The following DLGAP4 variants were observed in gnomAD, a reference collection of about 807,000 sequenced individuals.
The protein encoded by DLGAP4 is DLG associated protein 4.
DLGAP4 carries 18 observed loss-of-function variants against 86.9 expected under a neutral mutation model. That is an observed-to-expected ratio of 0.21 (90% CI 0.14 to 0.31). The LOEUF (loss-of-function observed/expected upper bound fraction) is 0.31, where lower values mean the gene tolerates loss of function less well. DLGAP4 is among the 10% of genes least tolerant of loss of function. DLGAP4 has a pLI of 1.00. For synonymous variants in DLGAP4, 548 were observed against 574.3 expected, an observed-to-expected ratio of 0.95 and a Z score of 0.65; for missense variants, 1,085 against 1,362.6, an observed-to-expected ratio of 0.80 and a Z score of 3.21.
intron 2 of DLGAP4, among the ~76,000 whole-genome samples, chr20:36,428,394 A>C (rs2033038762): frequency 6.6e-6 from 1 of 152,216 alleles, no homozygotes; most frequent in African/African-American, 2.4e-5. Context: ...AAGTAAACAC[A>C]TGAGAGTTTC....
At chr20:36,330,328 G>A (rs1260691331) in intron 1 of DLGAP4, among the ~76,000 whole-genome samples, 1 of 152,102 alleles carries the variant, frequency 6.6e-6, no homozygotes, top group Admixed American at 6.5e-5. Flanking sequence ...GACTGGAGAA[G>A]GGCTAGGTTA....
At chr20:36,314,113 G>A (rs2065076306) in intron 1 of DLGAP4, among the ~76,000 whole-genome samples, 1 of 151,958 alleles carries the variant, frequency 6.6e-6, no homozygotes, top group Non-Finnish European at 1.5e-5. Flanking sequence ...GAGTGCACAA[G>A]GCCTTCCAGG....
At chr20:36,496,552 T>C (rs2035894374) in intron 7 of DLGAP4, among the ~76,000 whole-genome samples, 153 bp from the exon 8 acceptor site, 1 of 152,220 alleles carries the variant, frequency 6.6e-6, no homozygotes, top group African/African-American at 2.4e-5. Flanking sequence ...GTCTTGACCC[T>C]CGTTCTCCCT....
At chr20:36,488,519 A>G (rs1569516588) in intron 7 of DLGAP4, among the ~76,000 whole-genome samples, 1 of 152,084 alleles carries the variant, frequency 6.6e-6, no homozygotes, top group Non-Finnish European at 1.5e-5. Flanking sequence ...CTGTGGTCAT[A>G]ATGTTTCTAC....
intron 2 of DLGAP4, among the ~76,000 whole-genome samples, chr20:36,399,136 G>A (rs935792754): frequency 1.3e-5 from 2 of 152,220 alleles, no homozygotes; most frequent in Admixed American, 6.5e-5. Flanking sequence ...GAGTTGCAGT[G>A]AGCCAGGAGG....
At chr20:36,389,304 TAAG>T (rs1293152776) in intron 2 of DLGAP4, among the ~76,000 whole-genome samples, 3 of 152,230 alleles carry the variant, frequency 2.0e-5, no homozygotes, top group Non-Finnish European at 4.4e-5. Flanking sequence ...GCACAGTGGT[TAAG>T]AAGGCTTGTT....
intron 1 of DLGAP4, among the ~76,000 whole-genome samples, chr20:36,333,520 G>A (rs562068046): frequency 1.4e-4 from 22 of 152,296 alleles, no homozygotes; most frequent in African/African-American, 5.3e-4. Flanking sequence ...GGTCATGGCT[G>A]TGCTATGCTT....
At chr20:36,384,194 CA>C (rs1421695481) in intron 2 of DLGAP4, among the ~76,000 whole-genome samples, 1 of 152,072 alleles carries the variant, frequency 6.6e-6, no homozygotes, top group African/African-American at 2.4e-5. Flanking sequence ...GTGCTGATGT[CA>C]GGGGTGTTGT....
chr20:36,527,137 G>C lies in DLGAP4; in HGVS notation c.*106G>C. ...CTTTGCTATGGTTATTCTGTCTAGA[G>C]ACCCTGAGCCAACTTTCAAATTGAC... On this transcript the variant is annotated 3_prime_UTR_variant, in exon 13 of 13. Transcript: ENST00000339266. 8.1e-7 allele frequency: 1 copy of C among 1,234,144 alleles called. No homozygotes were observed. The highest frequency in any genetic ancestry group is 1.1e-6 in the Non-Finnish European group (1 of 916,472). The allele number at this position is 1,234,144 out of a possible 1,614,324, so 76.4% of individuals were successfully genotyped here.
chr20:36,519,894 A>G (rs1482615323), intron 10 of DLGAP4, among the ~76,000 whole-genome samples: 2 of 151,950 alleles, frequency 1.3e-5, no homozygotes, highest in Non-Finnish European at 2.9e-5. Flanking sequence ...GGGCTCAAGC[A>G]ATCCTCCCAC....
At chr20:36,481,133 G>A (rs1456520185) in intron 7 of DLGAP4, among the ~76,000 whole-genome samples, 1 of 152,156 alleles carries the variant, frequency 6.6e-6, no homozygotes, top group Admixed American at 6.5e-5. Flanking sequence ...TCACACCCAT[G>A]GGGACTTCAG....
At chr20:36,334,937 G>T (rs2065306573) in intron 1 of DLGAP4, among the ~76,000 whole-genome samples, 1 of 152,106 alleles carries the variant, frequency 6.6e-6, no homozygotes, top group Non-Finnish European at 1.5e-5. Flanking sequence ...GCCCCCCGGG[G>T]GTGGCAGAAC....
intron 7 of DLGAP4, chr20:36,473,047 G>A (rs1232762261): frequency 6.6e-6 from 1 of 152,284 alleles, no homozygotes; most frequent in African/African-American, 2.4e-5. Flanking sequence ...CCGGGCTCCA[G>A]GTAGGCCTTT....
intron 2 of DLGAP4, among the ~76,000 whole-genome samples, chr20:36,408,128 G>A (rs2032379666): frequency 1.3e-5 from 2 of 151,992 alleles, no homozygotes; most frequent in Non-Finnish European, 2.9e-5. Context: ...TAGGGGCCAA[G>A]CCAGGAGGCT....
At chr20:36,334,314 C>T (rs954364545) in intron 1 of DLGAP4, among the ~76,000 whole-genome samples, 1 of 152,062 alleles carries the variant, frequency 6.6e-6, no homozygotes, top group Non-Finnish European at 1.5e-5. Flanking sequence ...TGGCTGATGG[C>T]GAGCTGGTCA....
chr20:36,358,835 AC>A (rs2030422635), intron 1 of DLGAP4, among the ~76,000 whole-genome samples: 1 of 152,112 alleles, frequency 6.6e-6, no homozygotes, highest in South Asian at 2.1e-4. Flanking sequence ...GAAAAAGTTA[AC>A]TTGAAGGTGC....
chr20:36,466,925 GCTCTCTCT>G (rs545978839), intron 7 of DLGAP4, among the ~76,000 whole-genome samples: 1 of 131,022 alleles, frequency 7.6e-6, no homozygotes, highest in Non-Finnish European at 1.6e-5. Context: ...TCTCGCTCTT[GCTCTCTCT>G]CTCTCTCTCT....
At chr20:36,496,553 C>G in intron 7 of DLGAP4, 152 bp from the exon 8 acceptor site, 1 of 1,293,264 alleles carries the variant, frequency 7.7e-7, no homozygotes, top group East Asian at 2.5e-5. Context: ...TCTTGACCCT[C>G]GTTCTCCCTG....
intron 10 of DLGAP4, among the ~76,000 whole-genome samples, chr20:36,501,070 T>TC (rs1033502617): frequency 3.3e-5 from 5 of 151,520 alleles, no homozygotes; most frequent in African/African-American, 1.2e-4. Flanking sequence ...ACAACTTTTT[T>TC]TTTTTTTTTT....
Sources: allele counts gnomAD v4.1 joint callset (sites outside exome capture counted in the v4.1 genomes callset), GRCh38; gene constraint gnomAD v4.1.1; transcripts MANE v1.5; gene names NCBI Gene and HGNC (gene_info 2026-07-23, HGNC 2026-07-21).